NIPBL: variants seen among roughly 807,000 people sequenced by gnomAD.
NIPBL encodes nipped-B-like protein.
In NIPBL, 19 loss-of-function variants were observed where a neutral mutation model predicts 321.8. That is an observed-to-expected ratio of 0.06 (90% CI 0.04 to 0.09). The LOEUF (loss-of-function observed/expected upper bound fraction) is 0.09, where lower values mean the gene tolerates loss of function less well. NIPBL is among the 10% of genes least tolerant of loss of function. The pLI, the probability that NIPBL is intolerant of heterozygous loss-of-function variation, is 1.00. For synonymous variants in NIPBL, 1,106 were observed against 1,114.1 expected, an observed-to-expected ratio of 0.99 and a Z score of 0.14; for missense variants, 2,210 against 3,327.0, an observed-to-expected ratio of 0.66 and a Z score of 8.26.
chr5:37,015,508 G>T (rs1426717235), intron 22 of NIPBL, among the ~76,000 whole-genome samples: 1 of 152,052 alleles, frequency 6.6e-6, no homozygotes, highest in Non-Finnish European at 1.5e-5. Flanking sequence ...ACCAAGGCAG[G>T]TGGATTACAA....
chr5:37,006,772 A>G (rs1747482999), intron 17 of NIPBL, among the ~76,000 whole-genome samples, 184 bp downstream of exon 17: 1 of 151,984 alleles, frequency 6.6e-6, no homozygotes, highest in South Asian at 2.1e-4. Context: ...ATTTATATAT[A>G]ATAGAAGTTA....
At chr5:36,999,549 A>G (rs1746542805) in intron 11 of NIPBL, among the ~76,000 whole-genome samples, 1 of 152,212 alleles carries the variant, frequency 6.6e-6, no homozygotes, top group Admixed American at 6.5e-5. Context: ...TATTTTCAGC[A>G]TAATGTTCTA....
At chr5:36,981,608 T>G (rs1477367050) in intron 9 of NIPBL, among the ~76,000 whole-genome samples, 4 of 151,758 alleles carry the variant, frequency 2.6e-5, no homozygotes, top group African/African-American at 9.7e-5. Flanking sequence ...CTATTCATCT[T>G]TCTTTGCTTC....
chr5:36,893,343 A>C (rs1359369151), intron 1 of NIPBL, among the ~76,000 whole-genome samples: 1 of 152,250 alleles, frequency 6.6e-6, no homozygotes, highest in Non-Finnish European at 1.5e-5. Flanking sequence ...GTTATAAAGC[A>C]GTCAAACTGA....
intron 1 of NIPBL, chr5:36,886,561 G>A (rs1358961563): frequency 1.6e-6 from 1 of 628,536 alleles, no homozygotes; most frequent in South Asian, 1.7e-5. Context: ...AGGTCATTGG[G>A]GGAAAATAGG....
intron 32 of NIPBL, 119 bp downstream of exon 32, chr5:37,027,531 G>T: frequency 1.5e-6 from 1 of 668,036 alleles, no homozygotes. Context: ...TTTTGGTAGG[G>T]AAAATTTATT....
At chr5:37,052,320 T>A (rs372453751) in intron 41 of NIPBL, 46 bp from the exon 42 acceptor site, 3 of 1,457,280 alleles carry the variant, frequency 2.1e-6, no homozygotes, top group Non-Finnish European at 2.9e-6. Context: ...TTTTAATTTG[T>A]GTCTTTTAAT....
At chr5:36,935,719 C>G (rs1738335262) in intron 1 of NIPBL, among the ~76,000 whole-genome samples, 1 of 152,098 alleles carries the variant, frequency 6.6e-6, no homozygotes, top group African/African-American at 2.4e-5. Context: ...TTTATTCTCT[C>G]ACAGTTCAAG....
chr5:37,038,127 C>G (rs556808430), intron 33 of NIPBL, among the ~76,000 whole-genome samples: 3 of 151,918 alleles, frequency 2.0e-5, no homozygotes, highest in African/African-American at 7.2e-5. Flanking sequence ...GTAACTGAGA[C>G]TACAAGTGCA....
chr5:36,917,656 G>A (rs1245588534), intron 1 of NIPBL, among the ~76,000 whole-genome samples: 1 of 152,020 alleles, frequency 6.6e-6, no homozygotes, highest in African/African-American at 2.4e-5. Context: ...TATGGTTTTA[G>A]GTCTAACATT....
intron 2 of NIPBL, among the ~76,000 whole-genome samples, chr5:36,954,403 A>G (rs562147983): frequency 1.3e-5 from 2 of 152,182 alleles, no homozygotes; most frequent in Non-Finnish European, 2.9e-5. Context: ...GGTAAAATAG[A>G]TAACAGCCTG....
At chr5:36,983,036 C>T (rs1397222769) in intron 9 of NIPBL, among the ~76,000 whole-genome samples, 1 of 151,832 alleles carries the variant, frequency 6.6e-6, no homozygotes, top group East Asian at 1.9e-4. Flanking sequence ...AATTGGTTTG[C>T]CCTGTGGCAG....
chr5:36,923,757 A>C (rs1185813161), intron 1 of NIPBL, among the ~76,000 whole-genome samples: 1 of 152,204 alleles, frequency 6.6e-6, no homozygotes, highest in Non-Finnish European at 1.5e-5. Context: ...GGGGATAATA[A>C]TAAGTGTTAA....
intron 1 of NIPBL, among the ~76,000 whole-genome samples, chr5:36,922,427 G>GA (rs1749018247): frequency 6.6e-6 from 1 of 151,998 alleles, no homozygotes; most frequent in African/African-American, 2.4e-5. Flanking sequence ...TATATTCATA[G>GA]AAAAAGTATT....
intron 29 of NIPBL, among the ~76,000 whole-genome samples, chr5:37,023,893 C>T (rs1012208351): frequency 1.3e-5 from 2 of 151,700 alleles, no homozygotes; most frequent in Non-Finnish European, 2.9e-5. Flanking sequence ...AGGCCAGGCG[C>T]AGTGCCTCAT....
intron 1 of NIPBL, among the ~76,000 whole-genome samples, chr5:36,891,036 C>T (rs1288828969): frequency 3.3e-5 from 5 of 152,184 alleles, no homozygotes; most frequent in Admixed American, 2.0e-4. Flanking sequence ...GAGGCCGAGG[C>T]GGGCGGATCA....
chr5:36,925,007 C>T (rs1260315407), intron 1 of NIPBL, among the ~76,000 whole-genome samples: 5 of 152,080 alleles, frequency 3.3e-5, no homozygotes, highest in Non-Finnish European at 5.9e-5. Context: ...AAATATTTTA[C>T]GATGCTACTA....
intron 38 of NIPBL, 64 bp from the exon 39 acceptor site, chr5:37,048,438 T>A: frequency 1.0e-6 from 1 of 987,840 alleles, no homozygotes; most frequent in African/African-American, 1.7e-5. Flanking sequence ...TATTAACATA[T>A]TTATTAAATG....
At chr5:36,941,085 A>C (rs115508464) in intron 1 of NIPBL, among the ~76,000 whole-genome samples, 2,114 of 152,258 alleles carry the variant, frequency 0.014, 51 homozygotes, top group Admixed American at 0.06. Flanking sequence ...ACTTTTTTAA[A>C]AAAATTCAGG....
Sources: gnomAD v4.1 joint callset for allele counts (sites outside exome capture counted in the v4.1 genomes callset) on GRCh38, gnomAD v4.1.1 for gene constraint, MANE v1.5 for transcripts, NCBI Gene and HGNC (gene_info 2026-07-23, HGNC 2026-07-21) for gene names.